Variants in FLI1 observed in about 807,000 individuals in gnomAD.
FLI1 encodes the protein Fli-1 proto-oncogene, ETS transcription factor, also known as Friend leukemia integration 1 transcription factor.
FLI1 carries 13 observed loss-of-function variants against 53.1 expected under a neutral mutation model. The ratio of observed to expected loss-of-function variants is 0.24; its 90% confidence interval spans 0.16 to 0.39. The LOEUF is 0.39. Among genes scored for constraint, FLI1 ranks in the 10% least tolerant of loss-of-function variants. The pLI, the probability that FLI1 is intolerant of heterozygous loss-of-function variation, is 1.00. For missense variants in FLI1, 424 were observed against 600.5 expected (o/e 0.71, Z 3.07); for synonymous variants, 244 against 236.7 (o/e 1.03, Z -0.28).
At chr11:128,686,520 G>C (rs1387987974), upstream of FLI1, 2 of 456,584 alleles carry the variant, frequency 4.4e-6, no homozygotes, top group Admixed American at 4.7e-5. Flanking sequence ...GCGGATCTGA[G>C]CTTCCCAAAC....
At chr11:128,800,746 G>T (rs145235927) in intron 5 of FLI1, among the ~76,000 whole-genome samples, 145 of 152,272 alleles carry the variant, frequency 9.5e-4, no homozygotes, top group Non-Finnish European at 1.8e-3. Context: ...TACTGTTAAG[G>T]ACATCATATA....
chr11:128,690,478 C>T (rs1281985309), upstream of FLI1, among the ~76,000 whole-genome samples: 7 of 152,182 alleles, frequency 4.6e-5, no homozygotes, highest in Non-Finnish European at 1.0e-4. Flanking sequence ...CGAAGAAGCC[C>T]GGGAAGCCCG....
chr11:128,719,944 T>G (rs1228704554), intron 1 of FLI1, among the ~76,000 whole-genome samples: 1 of 152,206 alleles, frequency 6.6e-6, no homozygotes, highest in African/African-American at 2.4e-5. Flanking sequence ...TAAAACTCAT[T>G]ACGTGCATCG....
intron 5 of FLI1, among the ~76,000 whole-genome samples, chr11:128,786,912 T>TC (rs1160310649): frequency 6.6e-6 from 1 of 152,194 alleles, no homozygotes; most frequent in Non-Finnish European, 1.5e-5. Flanking sequence ...GCACTGAGCT[T>TC]CTAGCCCCAG....
intron 1 of FLI1, among the ~76,000 whole-genome samples, chr11:128,745,113 G>C (rs1179002850): frequency 6.6e-6 from 1 of 152,142 alleles, no homozygotes; most frequent in African/African-American, 2.4e-5. Flanking sequence ...TGCCTCCAAA[G>C]GTTAAGAGTG....
intron 1 of FLI1, among the ~76,000 whole-genome samples, chr11:128,739,958 G>T (rs2135772084): frequency 6.6e-6 from 1 of 152,222 alleles, no homozygotes; most frequent in African/African-American, 2.4e-5. Flanking sequence ...GCCGCATCAG[G>T]CCTGGCCAGA....
intron 1 of FLI1, among the ~76,000 whole-genome samples, chr11:128,718,218 T>G (rs1051577667): frequency 1.3e-5 from 2 of 152,250 alleles, no homozygotes; most frequent in Admixed American, 1.3e-4. Flanking sequence ...ATTCAAATGC[T>G]GAGAGGTAGG....
At chr11:128,705,135 G>C (rs1379674302) in intron 1 of FLI1, among the ~76,000 whole-genome samples, 2 of 152,152 alleles carry the variant, frequency 1.3e-5, no homozygotes, top group Non-Finnish European at 2.9e-5. Context: ...TTTAGGCTAC[G>C]AGCCCATCTA....
intron 1 of FLI1, among the ~76,000 whole-genome samples, chr11:128,726,879 A>T (rs962120565): frequency 3.9e-5 from 6 of 152,088 alleles, no homozygotes; most frequent in Non-Finnish European, 8.8e-5. Context: ...TAATGACAGA[A>T]CGCTTCAAGG....
chr11:128,689,400 C>T (rs904939332), upstream of FLI1, among the ~76,000 whole-genome samples: 22 of 152,108 alleles, frequency 1.4e-4, no homozygotes, highest in Non-Finnish European at 2.8e-4. Flanking sequence ...CTTTTTTTCT[C>T]CTTGTGTACC....
chr11:128,707,924 G>C (rs1311906461), intron 1 of FLI1, among the ~76,000 whole-genome samples: 5 of 152,090 alleles, frequency 3.3e-5, no homozygotes, highest in African/African-American at 1.2e-4. Context: ...GATTCTTGTT[G>C]GTTCATCTTT....
At chr11:128,707,634 A>C (rs1447933789) in intron 1 of FLI1, among the ~76,000 whole-genome samples, 1 of 152,140 alleles carries the variant, frequency 6.6e-6, no homozygotes, top group Non-Finnish European at 1.5e-5. Context: ...TAAAGGAATT[A>C]CCATGGCTCC....
chr11:128,760,582 C>CAGTG (rs768301065), intron 2 of FLI1, among the ~76,000 whole-genome samples: 25 of 137,918 alleles, frequency 1.8e-4, no homozygotes, highest in Non-Finnish European at 3.3e-4. Flanking sequence ...GGCTGGAGTG[C>CAGTG]AGTGGTACAG....
chr11:128,802,349 A>C (rs981601796), intron 5 of FLI1, among the ~76,000 whole-genome samples: 1 of 152,226 alleles, frequency 6.6e-6, no homozygotes, highest in Non-Finnish European at 1.5e-5. Context: ...CAATGTGCTC[A>C]GGCTGTCCTT....
At chr11:128,715,073 G>A (rs976757319) in intron 1 of FLI1, among the ~76,000 whole-genome samples, 6 of 152,056 alleles carry the variant, frequency 3.9e-5, no homozygotes, top group African/African-American at 4.8e-5. Context: ...TGACTCGCAC[G>A]CACCCAGTGA....
chr11:128,726,307 G>A (rs1349370857), intron 1 of FLI1, among the ~76,000 whole-genome samples: 1 of 152,032 alleles, frequency 6.6e-6, no homozygotes, highest in South Asian at 2.1e-4. Context: ...CCCAGCCCCA[G>A]ACTCCTACTC....
At chr11:128,803,591 C>T (rs747097722) in intron 5 of FLI1, among the ~76,000 whole-genome samples, 2 of 152,222 alleles carry the variant, frequency 1.3e-5, no homozygotes, top group African/African-American at 2.4e-5. Flanking sequence ...GCACATGACC[C>T]GTGTTTCCTC....
intron 5 of FLI1, among the ~76,000 whole-genome samples, chr11:128,794,745 C>A (rs1362710762): frequency 6.6e-6 from 1 of 152,140 alleles, no homozygotes; most frequent in East Asian, 1.9e-4. Flanking sequence ...TGTGAGTGGG[C>A]TTTTTCTTTC....
intron 1 of FLI1, among the ~76,000 whole-genome samples, chr11:128,723,933 ATTTTTTTTT>A (rs376612983): frequency 2.5e-5 from 2 of 80,974 alleles, no homozygotes; most frequent in Non-Finnish European, 4.5e-5. Flanking sequence ...AATGGAGTTG[ATTTTTTTTT>A]TTTTTTTTTT....
Sources: gnomAD v4.1 joint callset for allele counts (sites outside exome capture counted in the v4.1 genomes callset) on GRCh38, gnomAD v4.1.1 for gene constraint, MANE v1.5 for transcripts, NCBI Gene and HGNC (gene_info 2026-07-23, HGNC 2026-07-21) for gene names.